The following ARVCF variants were observed in gnomAD, a reference collection of about 807,000 sequenced individuals.
The protein encoded by ARVCF is splicing regulator ARVCF.
A neutral mutation model predicts 90.9 loss-of-function variants in ARVCF; 66 were observed. The ratio of observed to expected loss-of-function variants is 0.73; its 90% confidence interval spans 0.60 to 0.89. ARVCF has a LOEUF of 0.89. Among genes scored for constraint, ARVCF ranks in the 40% least tolerant of loss-of-function variants. The pLI is 0.00. For synonymous variants in ARVCF, 653 were observed against 603.4 expected (o/e 1.08, Z -1.21); for missense variants, 1,469 against 1,382.3 (o/e 1.06, Z -1.00).
chr22:19,967,214 TG>T (rs897062375), downstream of ARVCF: 1 of 1,304,634 alleles, frequency 7.7e-7, no homozygotes, highest in African/African-American at 1.5e-5. Flanking sequence ...GTATCCCTGA[TG>T]ACCAGATTGG....
intron 9 of ARVCF, 84 bp downstream of exon 9, chr22:19,977,331 T>C (rs542402815): frequency 4.2e-6 from 6 of 1,438,886 alleles, no homozygotes; most frequent in Non-Finnish European, 5.5e-6. Context: ...GCCTCCATGA[T>C]GGGCTGCTGT....
rs1259158894 is a variant in ARVCF at position 19,981,665 on chromosome 22, G to C, written c.442C>G (p.Leu148Val). 1.2e-6 allele frequency: 2 copies of C among 1,607,938 alleles called. No homozygotes were observed. Among genetic ancestry groups the C allele is most frequent in the East Asian group, 4.5e-5 (2 of 44,888 alleles). Residue 148 changes from leucine to valine, a missense_variant, in exon 5 of 20, where the codon CTG (leucine) becomes GTG (valine). Coordinates refer to ENST00000263207, the MANE Select transcript of ARVCF (RefSeq NM_001670.3). ...CCTAGTGGGGGGCCGCCATCCAGCA[G>C]GGGGAGTCCATCTGGGCCCACGGGC... ...QVPVGPDGLP[L>V]LDGGPPLGPF...
At chr22:19,975,298 C>T (rs1943088702) in intron 11 of ARVCF, among the ~76,000 whole-genome samples, 1 of 152,330 alleles carries the variant, frequency 6.6e-6, no homozygotes, top group East Asian at 1.9e-4. Context: ...AGCCTCTGAA[C>T]CTGGATGTGA....
chr22:19,972,462 G>A (rs749447027), intron 16 of ARVCF, 51 bp from the exon 17 acceptor site: 12 of 1,608,814 alleles, frequency 7.5e-6, no homozygotes, highest in Middle Eastern at 1.6e-4. Flanking sequence ...AGGGGGGATC[G>A]GGGCAGAGAA....
chr22:19,972,490 C>T (rs1942871328), intron 16 of ARVCF, 79 bp from the exon 17 acceptor site: 1 of 1,556,536 alleles, frequency 6.4e-7, no homozygotes, highest in Non-Finnish European at 8.8e-7. Flanking sequence ...CAGGGCTGGC[C>T]CAGGTAGCCC....
At chr22:19,982,292 A>T (rs1325042440) in intron 3 of ARVCF, among the ~76,000 whole-genome samples, 1 of 152,230 alleles carries the variant, frequency 6.6e-6, no homozygotes, top group Admixed American at 6.5e-5. Flanking sequence ...CCCTCTGAAC[A>T]TCGAGGTGCT....
chr22:19,976,769 A>T (rs373915679), intron 9 of ARVCF, 46 bp from the exon 10 acceptor site: 3 of 1,552,308 alleles, frequency 1.9e-6, no homozygotes, highest in South Asian at 1.2e-5. Flanking sequence ...GAGCCTGAAC[A>T]GGCAGCACTC....
intron 2 of ARVCF, among the ~76,000 whole-genome samples, chr22:20,004,337 A>G (rs545614043): frequency 2.0e-5 from 3 of 152,246 alleles, no homozygotes; most frequent in East Asian, 3.9e-4. Context: ...TAAAATCCCA[A>G]TGACAGCCAG....
At position 19,982,102 on chromosome 22, in the gene ARVCF, G is replaced by A. The variant is rs1943539428; in HGVS notation, c.211-11C>T. 2 of 1,609,296 alleles carry A rather than the reference G, an allele frequency of 1.2e-6. No individual in the cohort carries two copies. Among genetic ancestry groups the A allele is most frequent in the Non-Finnish European group, 1.7e-6 (2 of 1,179,790 alleles). Reference sequence around the variant, plus strand: ...GCCTGGGCTCTGCTCCTGGGGCAAGGAGGGACATTGGTGGGCAGGCCTGCT... The same window carrying A: ...GCCTGGGCTCTGCTCCTGGGGCAAGAAGGGACATTGGTGGGCAGGCCTGCT... On this transcript the variant is annotated splice_polypyrimidine_tract_variant and intron_variant, in intron 3 of 19. Transcript: ENST00000263207.
At position 19,993,720 on chromosome 22, in the gene ARVCF, A is replaced by G. The variant is rs188381638; in HGVS notation, c.-18-2908T>C. Among the ~76,000 whole-genome samples the G allele has an allele frequency of 7.2e-5, 11 of 152,390 alleles. No individual in the cohort carries two copies. In the East Asian group the frequency reaches 2.1e-3, roughly 29 times the overall value. ...TTTACTTAGCCGCAAGGCAGGAATG[A>G]CATTGCACAGCCCACGAGTGACCAG... is the stretch of plus-strand genomic sequence containing the variant. On this transcript the variant is annotated intron_variant, in intron 2 of 19. Coordinates refer to ENST00000263207, the MANE Select transcript of ARVCF (RefSeq NM_001670.3).
Position 19,972,962 on chromosome 22 carries a change from G to T in ARVCF, c.2513C>A (p.Thr838Asn). 6.2e-7 allele frequency: 1 copy of T among 1,613,794 alleles called. No homozygotes were observed. The highest frequency in any genetic ancestry group is 8.5e-7 in the Non-Finnish European group (1 of 1,180,022). ...CTTGGTCCAACCATCTTTCTGCAAG[G>T]TACCACGCAGCTCCTTGTAGCTCCA... is the stretch of plus-strand genomic sequence containing the variant. ...TVWSYKELRG[T>N]LQKDGWTKAR... is the part of the protein sequence containing the mutation. Residue 838 changes from threonine (T) to asparagine (N), a missense_variant, in exon 15 of 20, where the codon ACC becomes AAC. Physicochemically the swap from Thr to Asn is moderately conservative, Grantham distance 65. Coordinates refer to ENST00000263207, the MANE Select transcript of ARVCF (RefSeq NM_001670.3).
At chr22:19,993,037 C>T (rs1007564991) in intron 2 of ARVCF, among the ~76,000 whole-genome samples, 2 of 152,190 alleles carry the variant, frequency 1.3e-5, no homozygotes, top group African/African-American at 4.8e-5. Context: ...CATCCAGAAA[C>T]ACTGGCCAGT....
chr22:19,979,025 A>G lies in ARVCF; in HGVS notation c.1452T>C (p.His484=). The change falls in exon 7 of 20, where the codon CAT becomes CAC. Residue 484 remains histidine, a synonymous_variant. Transcript: ENST00000263207. ...CCTCGTGGGTCAGCGTCTGCAGGCC[A>G]TGGTCAATGATGACCATCTTCAGGG... ...YEPLKMVIID[H]GLQTLTHEVI... 2.5e-6 allele frequency: 4 copies of G among 1,613,380 alleles called. No individual in the cohort carries two copies. The highest frequency in any genetic ancestry group is 3.4e-6 in the Non-Finnish European group (4 of 1,179,922).
At chr22:19,973,064 T>G in intron 14 of ARVCF, 28 bp from the exon 15 acceptor site, 1 of 1,608,070 alleles carries the variant, frequency 6.2e-7, no homozygotes. Context: ...GGGTCAGTGG[T>G]GGCCCCTCCC....
chr22:19,976,840 G>A, intron 9 of ARVCF, 117 bp from the exon 10 acceptor site: 1 of 1,202,680 alleles, frequency 8.3e-7, no homozygotes, highest in Non-Finnish European at 1.2e-6. Context: ...GGATCAAGCA[G>A]GCAGCATGTG....
intron 2 of ARVCF, among the ~76,000 whole-genome samples, chr22:20,000,519 G>C (rs1219669943): frequency 6.6e-6 from 1 of 152,216 alleles, no homozygotes; most frequent in Non-Finnish European, 1.5e-5. Flanking sequence ...CCACATACCA[G>C]GAGAGCCTCG....
At chr22:19,988,930 C>T (rs1943922738) in intron 3 of ARVCF, among the ~76,000 whole-genome samples, 1 of 152,186 alleles carries the variant, frequency 6.6e-6, no homozygotes, top group Non-Finnish European at 1.5e-5. Context: ...AGTCTTTTGC[C>T]TGAGGAGGTC....
Position 19,979,791 on chromosome 22 carries a change from G to C in ARVCF, c.1348C>G (p.Arg450Gly). The change falls in exon 6 of 20, where the codon CGC becomes GGC. Residue 450 changes from arginine to glycine, a missense_variant. Physicochemically the swap from Arg to Gly is moderately radical, Grantham distance 125. Transcript: ENST00000263207. ...RDCGGVPALV[R>G]LLRAARDNEV... Reference sequence around the variant, plus strand: ...TTGTCCCGGGCAGCCCTCAGCAGGCGCACCAGGGCAGGCACACCACCGCAG... The same window carrying C: ...TTGTCCCGGGCAGCCCTCAGCAGGCCCACCAGGGCAGGCACACCACCGCAG... 2 of 1,608,060 alleles carry C rather than the reference G, an allele frequency of 1.2e-6. No homozygotes were observed. The highest frequency in any genetic ancestry group is 1.7e-6 in the Non-Finnish European group (2 of 1,177,640).
At chr22:19,989,213 C>T (rs888548292) in intron 3 of ARVCF, among the ~76,000 whole-genome samples, 1 of 151,992 alleles carries the variant, frequency 6.6e-6, no homozygotes, top group African/African-American at 2.4e-5. Flanking sequence ...GAGAGTGGCC[C>T]CAGCACCGAG....
Sources: gnomAD v4.1 joint callset for allele counts (sites outside exome capture counted in the v4.1 genomes callset) on GRCh38, gnomAD v4.1.1 for gene constraint, MANE v1.5 for transcripts, NCBI Gene and HGNC (gene_info 2026-07-23, HGNC 2026-07-21) for gene names.